Variants in NCALD observed in about 807,000 individuals in gnomAD.
The protein encoded by NCALD is neurocalcin-delta.
A neutral mutation model predicts 18.6 loss-of-function variants in NCALD; 10 were observed. That is an observed-to-expected ratio of 0.54 (90% CI 0.33 to 0.91). The LOEUF is 0.91. Ranked by LOEUF, NCALD falls within the 40% of genes least tolerant of loss-of-function variation. The pLI is 0.03. For synonymous variants in NCALD, 88 were observed against 87.4 expected (o/e 1.01, Z -0.04); for missense variants, 184 against 247.6 (o/e 0.74, Z 1.72).
chr8:101,833,843 TA>T (rs1814294133), intron 4 of NCALD, among the ~76,000 whole-genome samples: 1 of 152,176 alleles, frequency 6.6e-6, no homozygotes, highest in Admixed American at 6.5e-5. Context: ...TCTCTCAACT[TA>T]AGTTTTGGCT....
chr8:101,730,802 C>T (rs943464654), intron 1 of NCALD, among the ~76,000 whole-genome samples: 3 of 152,142 alleles, frequency 2.0e-5, no homozygotes, highest in East Asian at 1.9e-4. Context: ...GAATTTATTG[C>T]AAAGAGGTTC....
chr8:101,695,953 C>T (rs1191670016), intron 2 of NCALD, among the ~76,000 whole-genome samples: 1 of 152,106 alleles, frequency 6.6e-6, no homozygotes, highest in Non-Finnish European at 1.5e-5. Context: ...CCCCTTTATC[C>T]TTTTATATGT....
chr8:101,933,276 C>T (rs151118511), intron 2 of NCALD, among the ~76,000 whole-genome samples: 1 of 152,286 alleles, frequency 6.6e-6, no homozygotes, highest in Non-Finnish European at 1.5e-5. Flanking sequence ...TCTGAAAGCA[C>T]CCACTGTAAT....
intron 1 of NCALD, among the ~76,000 whole-genome samples, chr8:102,123,209 G>C (rs1212901275): frequency 2.0e-5 from 3 of 152,334 alleles, no homozygotes; most frequent in Non-Finnish European, 2.9e-5. Flanking sequence ...AACTTTGAGC[G>C]AGCTTGTGTG....
chr8:101,690,575 C>T, intron 3 of NCALD: 11 of 985,414 alleles, frequency 1.1e-5, no homozygotes, highest in Non-Finnish European at 1.3e-5. Context: ...GAGGGGGCCT[C>T]CCCCAACAGA....
At chr8:101,890,551 G>T (rs187993042) in intron 3 of NCALD, among the ~76,000 whole-genome samples, 80 of 152,294 alleles carry the variant, frequency 5.3e-4, no homozygotes, top group Admixed American at 3.5e-3. Context: ...ACTGGGATTA[G>T]CACACTTATA....
intron 1 of NCALD, among the ~76,000 whole-genome samples, chr8:101,765,536 G>A (rs1811311533): frequency 6.6e-6 from 1 of 152,106 alleles, no homozygotes; most frequent in Non-Finnish European, 1.5e-5. Context: ...TTTTCTTCTT[G>A]GTGAAAAGTA....
At chr8:101,713,382 C>T (rs1307864162) in intron 2 of NCALD, among the ~76,000 whole-genome samples, 1 of 150,784 alleles carries the variant, frequency 6.6e-6, no homozygotes, top group Non-Finnish European at 1.5e-5. Flanking sequence ...GAAGGAAGAG[C>T]AAACAAATTC....
rs144467347 is a variant in NCALD, at chr8:101,966,847, T to C, written c.-156-50989A>G. 8.1e-4 allele frequency among the ~76,000 whole-genome samples: 123 copies of C among 152,236 alleles called. No homozygotes were observed. The South Asian group carries it at 8.3e-3, about 10-fold the overall frequency. On this transcript the variant is annotated intron_variant, in intron 2 of 6. Transcript: ENST00000311028. ...TTAATGATGAAGATGGAAATAACCA[T>C]TGTGTCAAAAACATTGCATAATTAA...
intron 4 of NCALD, among the ~76,000 whole-genome samples, chr8:101,860,891 C>A (rs1224171285): frequency 2.0e-5 from 3 of 152,010 alleles, no homozygotes; most frequent in Non-Finnish European, 2.9e-5. Context: ...CCTGTACCGA[C>A]CCCTGAAAGC....
chr8:101,972,672 A>G (rs927984908), intron 2 of NCALD, among the ~76,000 whole-genome samples: 1 of 152,186 alleles, frequency 6.6e-6, no homozygotes, highest in Non-Finnish European at 1.5e-5. Context: ...CCCAACCTAA[A>G]TACATAGTTT....
chr8:101,812,038 T>C (rs1813324056), intron 4 of NCALD, among the ~76,000 whole-genome samples: 1 of 152,212 alleles, frequency 6.6e-6, no homozygotes, highest in Non-Finnish European at 1.5e-5. Context: ...ATGGTTAATT[T>C]ACACAGCTAT....
intron 4 of NCALD, among the ~76,000 whole-genome samples, chr8:101,817,926 G>A (rs146558857): frequency 1.9e-3 from 289 of 152,310 alleles, no homozygotes; most frequent in African/African-American, 6.6e-3. Context: ...ACAGCTGCGG[G>A]AAGGATAAAG....
chr8:101,892,621 T>C (rs1206698080), intron 3 of NCALD, among the ~76,000 whole-genome samples: 1 of 148,780 alleles, frequency 6.7e-6, no homozygotes, highest in South Asian at 2.1e-4. Flanking sequence ...TTGAAAAAAA[T>C]ATAGAAGAAT....
intron 1 of NCALD, among the ~76,000 whole-genome samples, chr8:102,095,776 C>G (rs975980467): frequency 1.3e-5 from 2 of 152,182 alleles, no homozygotes; most frequent in Admixed American, 6.5e-5. Flanking sequence ...ATGGTGGAAG[C>G]ACCCATTTCA....
intron 2 of NCALD, among the ~76,000 whole-genome samples, chr8:101,943,758 A>G (rs1017088178): frequency 3.3e-5 from 5 of 152,000 alleles, no homozygotes; most frequent in East Asian, 1.9e-4. Context: ...GGCTAACATG[A>G]TGAAACCCCG....
intron 2 of NCALD, among the ~76,000 whole-genome samples, chr8:101,946,972 G>T (rs1240641072): frequency 1.3e-5 from 2 of 152,264 alleles, no homozygotes; most frequent in Admixed American, 6.5e-5. Context: ...CACTTAGTGG[G>T]TGCCAAAACT....
In NCALD at chr8:101,895,797, C is replaced by A. The variant is rs879482548; in HGVS notation, c.-106-8570G>T. The stretch of plus-strand genomic sequence containing the variant: ...AAAGAGAACAAAATACTTAGGAATC[C>A]AACTTACAAGGGATGTGAAGGACCT... On this transcript the variant is annotated intron_variant, in intron 3 of 6. Coordinates refer to the NCALD transcript ENST00000311028. Among the ~76,000 whole-genome samples, 412 of 145,982 alleles carry A rather than the reference C, an allele frequency of 2.8e-3. 7 individuals carry two copies. The highest frequency in any genetic ancestry group is 4.4e-3 in the Non-Finnish European group (299 of 67,596).
At chr8:101,888,512 T>C (rs1267560142) in intron 3 of NCALD, among the ~76,000 whole-genome samples, 1 of 151,996 alleles carries the variant, frequency 6.6e-6, no homozygotes, top group Non-Finnish European at 1.5e-5. Flanking sequence ...CAAACTTCTA[T>C]GCTAAAGCAA....
Sources: gnomAD v4.1 joint callset for allele counts (sites outside exome capture counted in the v4.1 genomes callset) on GRCh38, gnomAD v4.1.1 for gene constraint, MANE v1.5 for transcripts, NCBI Gene and HGNC (gene_info 2026-07-23, HGNC 2026-07-21) for gene names.